The following IHO1 variants were observed in gnomAD, a reference collection of about 807,000 sequenced individuals.
IHO1 encodes the protein interactor of HORMAD1 1.
A neutral mutation model predicts 31.0 loss-of-function variants in IHO1; 13 were observed. That is an observed-to-expected ratio of 0.42 (90% CI 0.27 to 0.67). The LOEUF (loss-of-function observed/expected upper bound fraction) is 0.67, where lower values mean the gene tolerates loss of function less well. Ranked by LOEUF, IHO1 falls within the 30% of genes least tolerant of loss-of-function variation. The pLI is 0.24. For missense variants in IHO1, 599 were observed against 687.5 expected (o/e 0.87, Z 1.44); for synonymous variants, 221 against 248.4 (o/e 0.89, Z 1.04).
At chr3:49,199,091 T>G (rs1433246774), upstream of IHO1, 1 of 152,268 alleles carries the variant, frequency 6.6e-6, no homozygotes, top group East Asian at 1.9e-4. Flanking sequence ...CACAGTGGAG[T>G]GTAGGTCGAG....
At chr3:49,235,263 G>A (rs2046543817) in intron 2 of IHO1, among the ~76,000 whole-genome samples, 1 of 123,422 alleles carries the variant, frequency 8.1e-6, no homozygotes, top group Non-Finnish European at 1.7e-5. Flanking sequence ...GTCTTACTCT[G>A]TTGCCCAGGC....
intron 1 of IHO1, among the ~76,000 whole-genome samples, chr3:49,203,970 T>C (rs1332601354): frequency 6.6e-6 from 1 of 152,206 alleles, no homozygotes; most frequent in Non-Finnish European, 1.5e-5. Flanking sequence ...TCTTAGTCCG[T>C]TTTGTGTTGC....
At position 49,241,408 on chromosome 3, in the gene IHO1, T is replaced by G. The variant is rs374558545; in HGVS notation, c.395+19T>G. Reference sequence around the variant, plus strand: ...GTGACAGGTATGTAAACCTTTCAAATGGATGAAAGAACTCACCTTTTCTGA... The same window carrying G: ...GTGACAGGTATGTAAACCTTTCAAAGGGATGAAAGAACTCACCTTTTCTGA... On this transcript the variant is annotated intron_variant, in intron 4 of 7. Coordinates refer to ENST00000452691, the MANE Select transcript of IHO1 (RefSeq NM_001135197.2). The G allele has an allele frequency of 1.7e-4, 274 of 1,577,218 alleles. No individual in the cohort carries two copies. In the African/African-American group the frequency reaches 3.1e-3, roughly 18 times the overall value.
At chr3:49,209,887 T>C (rs1031109894) in intron 1 of IHO1, among the ~76,000 whole-genome samples, 3 of 151,224 alleles carry the variant, frequency 2.0e-5, no homozygotes, top group Non-Finnish European at 4.4e-5. Flanking sequence ...GCTAATTTTT[T>C]ATATTGTTTT....
chr3:49,257,987 C>T lies in IHO1; in HGVS notation c.*705C>T, dbSNP rs1407840962. The T allele has an allele frequency of 6.6e-6, 1 of 152,114 alleles. No individual in the cohort carries two copies. The highest frequency in any genetic ancestry group is 2.4e-5 in the African/African-American group (1 of 41,416). The allele number at this position is 152,114 out of a possible 1,614,324, so 9.4% of individuals were successfully genotyped here. On this transcript the variant is annotated 3_prime_UTR_variant, in exon 8 of 8. Coordinates refer to ENST00000452691, the MANE Select transcript of IHO1 (RefSeq NM_001135197.2). ...TAATAATATTGTAGACCTTGTATTT[C>T]TGAAGAGCAGTGGGCTTATATGGGA... is the stretch of plus-strand genomic sequence containing the variant.
At chr3:49,200,632 A>G (rs2107676204) in intron 1 of IHO1, 3 of 946,770 alleles carry the variant, frequency 3.2e-6, no homozygotes, top group African/African-American at 1.8e-5. Context: ...CCACCCTGCC[A>G]GGGCCCTTCC....
At chr3:49,224,680 T>C (rs2046397039) in intron 2 of IHO1, among the ~76,000 whole-genome samples, 1 of 152,242 alleles carries the variant, frequency 6.6e-6, no homozygotes, top group African/African-American at 2.4e-5. Context: ...GCCCTTCGTA[T>C]CCCATTCTCC....
At chr3:49,229,518 G>A (rs2046457448) in intron 2 of IHO1, among the ~76,000 whole-genome samples, 2 of 152,222 alleles carry the variant, frequency 1.3e-5, no homozygotes, top group African/African-American at 4.8e-5. Context: ...GCCGTATGTA[G>A]AAATGGGGAA....
intron 3 of IHO1, among the ~76,000 whole-genome samples, chr3:49,239,633 A>AT: frequency 6.6e-6 from 1 of 150,892 alleles, no homozygotes; most frequent in Non-Finnish European, 1.5e-5. Context: ...CATGTTGCCC[A>AT]GGCTGGTCTT....
At position 49,248,417 on chromosome 3, in the gene IHO1, A is replaced by AAAAACAAAACAAAAC. The variant is rs139167372; in HGVS notation, c.532+3699_532+3713dup. 3.1e-3 allele frequency among the ~76,000 whole-genome samples: 461 copies of AAAAACAAAACAAAAC among 148,930 alleles called. 4 individuals are homozygous for AAAAACAAAACAAAAC. Among genetic ancestry groups the AAAAACAAAACAAAAC allele is most frequent in the African/African-American group, 9.6e-3 (386 of 40,254 alleles). ...CTGGGCGATAGAACCAGACTCTCTCAAAAACAAAACAAAACAAAACAAAAC... is the reference window on the plus strand; with the variant it reads ...CTGGGCGATAGAACCAGACTCTCTCAAAAACAAAACAAAACAAAACAAAACAAAACAAAACAAAAC... On this transcript the variant is annotated intron_variant, in intron 6 of 7. Transcript: ENST00000452691.
chr3:49,215,695 A>G (rs1172557814), intron 2 of IHO1, among the ~76,000 whole-genome samples: 2 of 152,170 alleles, frequency 1.3e-5, no homozygotes, highest in Non-Finnish European at 2.9e-5. Flanking sequence ...CCCTGACTAA[A>G]ATTAAGGGTT....
intron 3 of IHO1, among the ~76,000 whole-genome samples, chr3:49,238,112 C>T (rs538498822): frequency 4.7e-4 from 71 of 151,672 alleles, no homozygotes; most frequent in East Asian, 1.4e-3. Flanking sequence ...TCCATGTTGG[C>T]GGGCTAGTCT....
chr3:49,205,766 A>ATTTTTT (rs71627374), intron 1 of IHO1, among the ~76,000 whole-genome samples: 1 of 115,348 alleles, frequency 8.7e-6, no homozygotes, highest in Non-Finnish European at 1.7e-5. Flanking sequence ...CGCCTGGGCA[A>ATTTTTT]TTTTTTTTTT....
intron 2 of IHO1, among the ~76,000 whole-genome samples, chr3:49,232,971 G>A (rs2046501460): frequency 6.6e-6 from 1 of 152,108 alleles, no homozygotes; most frequent in East Asian, 1.9e-4. Context: ...TATAATTGAG[G>A]CATACAGCCC....
chr3:49,255,683 AG>A (rs1426068695), intron 7 of IHO1, among the ~76,000 whole-genome samples, 190 bp downstream of exon 7: 1 of 150,240 alleles, frequency 6.7e-6, no homozygotes, highest in African/African-American at 2.5e-5. Flanking sequence ...CTGAGTAGCT[AG>A]GACTTACAGG....
the IHO1 span, among the ~76,000 whole-genome samples, chr3:49,192,195 C>G: frequency 6.6e-6 from 1 of 152,158 alleles, no homozygotes; most frequent in African/African-American, 2.4e-5. Flanking sequence ...AGGTTGGTGG[C>G]TTTTAGGATA....
At chr3:49,200,502 A>AGAAAGAAAGAAAGAAG in intron 1 of IHO1, 2 of 862,302 alleles carry the variant, frequency 2.3e-6, no homozygotes, top group Non-Finnish European at 1.4e-6. Context: ...AAAGAAAGAA[A>AGAAAGAAAGAAAGAAG]GAAAGAAAGA....
At chr3:49,214,607 C>CATATATATATATATAT (rs1311032715) in intron 2 of IHO1, among the ~76,000 whole-genome samples, 31 of 24,766 alleles carry the variant, frequency 1.3e-3, no homozygotes, top group Non-Finnish European at 1.5e-3. Flanking sequence ...ATTTCTAGAT[C>CATATATATATATATAT]ATATATATAT....
At chr3:49,220,979 G>A (rs1488916557) in intron 2 of IHO1, among the ~76,000 whole-genome samples, 1 of 152,246 alleles carries the variant, frequency 6.6e-6, no homozygotes, top group Non-Finnish European at 1.5e-5. Context: ...GGCTCCAGTG[G>A]CCAGCATTTA....
Sources: gnomAD v4.1 joint callset for allele counts (sites outside exome capture counted in the v4.1 genomes callset) on GRCh38, gnomAD v4.1.1 for gene constraint, MANE v1.5 for transcripts, NCBI Gene and HGNC (gene_info 2026-07-23, HGNC 2026-07-21) for gene names.